The following SLC5A11 variants were observed in gnomAD, a reference collection of about 807,000 sequenced individuals.
SLC5A11 encodes sodium/myo-inositol cotransporter 2.
SLC5A11 carries 48 observed loss-of-function variants against 69.8 expected under a neutral mutation model. That is an observed-to-expected ratio of 0.69 (90% CI 0.55 to 0.87). SLC5A11 has a LOEUF of 0.87. Among genes scored for constraint, SLC5A11 ranks in the 40% least tolerant of loss-of-function variants. The pLI, the probability that SLC5A11 is intolerant of heterozygous loss-of-function variation, is 0.00. For missense variants in SLC5A11, 784 were observed against 866.1 expected, an observed-to-expected ratio of 0.91 and a Z score of 1.19; for synonymous variants, 319 against 342.4, an observed-to-expected ratio of 0.93 and a Z score of 0.75.
chr16:24,868,401 G>A (rs558820547), intron 3 of SLC5A11, among the ~76,000 whole-genome samples: 6 of 142,822 alleles, frequency 4.2e-5, no homozygotes, highest in African/African-American at 1.6e-4. Flanking sequence ...CCATCCTGGC[G>A]AACACGGTGA....
chr16:24,883,431 C>T (rs1228275774), intron 7 of SLC5A11, among the ~76,000 whole-genome samples: 1 of 152,108 alleles, frequency 6.6e-6, no homozygotes, highest in Non-Finnish European at 1.5e-5. Flanking sequence ...GTGGCCTAAG[C>T]ACCACTTCCT....
chr16:24,896,908 C>T (rs1056898648), intron 9 of SLC5A11, among the ~76,000 whole-genome samples: 10 of 145,122 alleles, frequency 6.9e-5, no homozygotes, highest in Non-Finnish European at 1.3e-4. Flanking sequence ...TTAGGAATTG[C>T]GAAGGAGGCA....
Position 24,851,220 on chromosome 16 carries a change from T to C in SLC5A11, c.-25+4782T>C, listed in dbSNP as rs1877430437. ...ATCATAGCTCAATGCAGTCTCAAAC[T>C]CCTGGGCTTGGGCCCAGGGCAGTGG... is the stretch of plus-strand genomic sequence containing the variant. On this transcript the variant is annotated intron_variant, in intron 1 of 15. Transcript: ENST00000347898. 2.0e-5 allele frequency among the ~76,000 whole-genome samples: 3 copies of C among 151,632 alleles called. No homozygotes were observed. The South Asian group carries it at 6.3e-4, about 32-fold the overall frequency.
At chr16:24,878,868 A>G (rs1259304784) in intron 7 of SLC5A11, among the ~76,000 whole-genome samples, 4 of 152,172 alleles carry the variant, frequency 2.6e-5, no homozygotes, top group Non-Finnish European at 5.9e-5. Flanking sequence ...CCCGGTCTCT[A>G]CTAAAAATAC....
At chr16:24,903,377 T>G (rs950152555) in intron 10 of SLC5A11, among the ~76,000 whole-genome samples, 3 of 152,218 alleles carry the variant, frequency 2.0e-5, no homozygotes, top group Admixed American at 6.6e-5. Flanking sequence ...CACTCTCGAC[T>G]ATTTGAAAAT....
At chr16:24,890,785 A>T (rs558161912) in intron 8 of SLC5A11, 84 bp from the exon 10 acceptor site, 998 of 1,339,528 alleles carry the variant, frequency 7.5e-4, no homozygotes, top group Non-Finnish European at 1.0e-3. Context: ...TCCTACTAGA[A>T]TTTCACCAGT....
At chr16:24,901,948 A>ACG (rs2049639224) in intron 10 of SLC5A11, among the ~76,000 whole-genome samples, 1 of 129,012 alleles carries the variant, frequency 7.8e-6, no homozygotes, top group South Asian at 2.8e-4. Flanking sequence ...ACACACACAC[A>ACG]CACACACACG....
intron 2 of SLC5A11, among the ~76,000 whole-genome samples, chr16:24,860,297 T>C: frequency 6.6e-6 from 1 of 151,174 alleles, no homozygotes; most frequent in South Asian, 2.1e-4. Context: ...AAAAAATATA[T>C]ATAAAAAAAT....
chr16:24,897,956 C>A lies in SLC5A11; in HGVS notation c.871-18C>A, dbSNP rs1302681627. ...TATATCAGCATTCCCAGTTTCCAAC[C>A]CCCTTGATCTTTTCCAGGTGATTGT... On this transcript the variant is annotated intron_variant, in intron 9 of 15. Transcript: ENST00000347898. 1.2e-6 allele frequency: 2 copies of A among 1,612,218 alleles called. No individual in the cohort carries two copies. Among genetic ancestry groups the A allele is most frequent in the Non-Finnish European group, 1.7e-6 (2 of 1,179,340 alleles).
chr16:24,872,343 C>A, intron 5 of SLC5A11, 124 bp downstream of exon 6: 1 of 1,097,714 alleles, frequency 9.1e-7, no homozygotes, highest in Non-Finnish European at 1.4e-6. Context: ...GATTGCCACT[C>A]AGAGGCCCCA....
chr16:24,869,616 T>G (rs2047146768), intron 3 of SLC5A11, among the ~76,000 whole-genome samples: 1 of 152,220 alleles, frequency 6.6e-6, no homozygotes, highest in Admixed American at 6.5e-5. Context: ...ATATAGTTGT[T>G]GAAGCTGTGC....
At chr16:24,870,149 T>C (rs1414531012) in intron 4 of SLC5A11, 144 bp downstream of exon 5, 4 of 565,046 alleles carry the variant, frequency 7.1e-6, no homozygotes, top group Non-Finnish European at 9.4e-6. Flanking sequence ...TCTCAGCACT[T>C]TGGGAGGCCA....
intron 7 of SLC5A11, among the ~76,000 whole-genome samples, chr16:24,881,621 T>A (rs897933396): frequency 3.3e-5 from 5 of 152,148 alleles, no homozygotes; most frequent in African/African-American, 1.2e-4. Flanking sequence ...TTAGCGATGA[T>A]GAGCATTTTT....
At chr16:24,856,059 C>T (rs537267024) in intron 1 of SLC5A11, among the ~76,000 whole-genome samples, 10 of 152,280 alleles carry the variant, frequency 6.6e-5, no homozygotes, top group African/African-American at 2.4e-4. Flanking sequence ...ATCCTTTAAC[C>T]CAGAGCACAT....
At position 24,868,129 on chromosome 16, in the gene SLC5A11, T is replaced by C. The variant is rs144420942; in HGVS notation, c.208-1772T>C. On this transcript the variant is annotated intron_variant, in intron 3 of 15. Transcript: ENST00000347898. ...TCCAGCCTGGGTGACAAAGCAAGAC[T>C]CCATTTCAAAAAAAAAAAAAAAGTA... Among the ~76,000 whole-genome samples the C allele has an allele frequency of 1.5e-3, 201 of 135,586 alleles. 1 individual carries two copies. The highest frequency in any genetic ancestry group is 5.5e-3 in the African/African-American group (193 of 35,232). The allele number at this position is 135,586 out of a possible 152,430, so 88.9% of individuals were successfully genotyped here.
intron 8 of SLC5A11, among the ~76,000 whole-genome samples, chr16:24,885,431 G>A (rs920020537): frequency 1.3e-5 from 2 of 152,060 alleles, no homozygotes; most frequent in Admixed American, 1.3e-4. Context: ...AGGATCGCTT[G>A]AGCTCAGGAG....
Position 24,877,271 on chromosome 16 carries a change from C to T in SLC5A11, c.491C>T (p.Ala164Val), listed in dbSNP as rs758122229. The T allele has an allele frequency of 1.9e-6, 3 of 1,613,954 alleles. No individual in the cohort carries two copies. The highest frequency in any genetic ancestry group is 1.1e-5 in the South Asian group (1 of 91,030). ...CTTTCTTCACAGGTAGACATGTATG[C>T]AGGTGCCATCTTCATCCAGCAGTCT... The change falls in exon 7 of 16, where the codon GCA becomes GTA. Residue 164 changes from alanine to valine, a missense_variant. Ala to Val is a moderately conservative substitution (Grantham distance 64). Around this residue, in one of 3 missense-constraint regions of SLC5A11, gnomAD observed 101 missense variants for 152.4 expected, o/e 0.66. Transcript: ENST00000347898.
intron 10 of SLC5A11, among the ~76,000 whole-genome samples, chr16:24,904,349 G>A (rs1210073878): frequency 6.6e-6 from 1 of 152,140 alleles, no homozygotes; most frequent in East Asian, 1.9e-4. Context: ...ACTAGCTGTA[G>A]TAATTTACAT....
At chr16:24,891,310 C>CTTTT (rs11286846) in intron 9 of SLC5A11, among the ~76,000 whole-genome samples, 2 of 102,168 alleles carry the variant, frequency 2.0e-5, no homozygotes, top group African/African-American at 3.6e-5. Context: ...CACACTCTGC[C>CTTTT]TTTTTTTTTT....
Sources: gnomAD v4.1 joint callset for allele counts (sites outside exome capture counted in the v4.1 genomes callset) on GRCh38, gnomAD v4.1.1 for gene constraint, gnomAD v4.1.1 regional missense constraint, MANE v1.5 for transcripts, NCBI Gene and HGNC (gene_info 2026-07-23, HGNC 2026-07-21) for gene names.